Variants in SH3PXD2A observed in about 807,000 individuals in gnomAD.
SH3PXD2A encodes the protein SH3 and PX domain-containing protein 2A.
Under a neutral mutation model 115.2 loss-of-function variants are expected in SH3PXD2A, and 32 were observed. The observed-to-expected ratio is 0.28, with a 90% CI of 0.21 to 0.37. SH3PXD2A has a LOEUF of 0.37. SH3PXD2A is among the 10% of genes least tolerant of loss of function. SH3PXD2A has a pLI of 1.00. For missense variants in SH3PXD2A, 1,328 were observed against 1,498.7 expected (o/e 0.89, Z 1.88); for synonymous variants, 610 against 629.1 (o/e 0.97, Z 0.45).
At chr10:103,806,471 A>G (rs1426087693) in intron 1 of SH3PXD2A, among the ~76,000 whole-genome samples, 1 of 152,254 alleles carries the variant, frequency 6.6e-6, no homozygotes, top group African/African-American at 2.4e-5. Flanking sequence ...AACTTCAGAG[A>G]GAAACCACAG....
At chr10:103,820,890 G>A (rs1165566845) in intron 1 of SH3PXD2A, among the ~76,000 whole-genome samples, 2 of 152,206 alleles carry the variant, frequency 1.3e-5, no homozygotes, top group African/African-American at 4.8e-5. Flanking sequence ...GGGCCGGGGA[G>A]AAACACAGGG....
At chr10:103,729,239 T>A (rs1172458015) in intron 4 of SH3PXD2A, among the ~76,000 whole-genome samples, 1 of 152,218 alleles carries the variant, frequency 6.6e-6, no homozygotes. Flanking sequence ...GTCCAGAGCC[T>A]ATGCCCTGAT....
chr10:103,651,077 G>A (rs892449971), intron 8 of SH3PXD2A, among the ~76,000 whole-genome samples: 3 of 152,232 alleles, frequency 2.0e-5, no homozygotes, highest in Admixed American at 6.5e-5. Flanking sequence ...CGGAAGGAGA[G>A]AGGGTGGCAG....
At chr10:103,699,918 G>A (rs984879747) in intron 5 of SH3PXD2A, among the ~76,000 whole-genome samples, 7 of 152,198 alleles carry the variant, frequency 4.6e-5, no homozygotes, top group Non-Finnish European at 8.8e-5. Flanking sequence ...GAATTCCTGC[G>A]GAGAGAAGGG....
chr10:103,749,110 C>T (rs1043678274), intron 3 of SH3PXD2A, among the ~76,000 whole-genome samples: 2 of 152,048 alleles, frequency 1.3e-5, no homozygotes, highest in African/African-American at 2.4e-5. Flanking sequence ...TGGCTGGTTT[C>T]GAACTCCTGA....
intron 8 of SH3PXD2A, among the ~76,000 whole-genome samples, chr10:103,628,434 G>A (rs2036730358): frequency 2.0e-5 from 3 of 151,868 alleles, no homozygotes; most frequent in Admixed American, 6.6e-5. Context: ...CTGGACTCTT[G>A]AGGTCCAGGC....
intron 1 of SH3PXD2A, among the ~76,000 whole-genome samples, chr10:103,811,202 A>C (rs116569948): frequency 1.5e-3 from 221 of 152,298 alleles, no homozygotes; most frequent in African/African-American, 5.1e-3. Flanking sequence ...AACTCCCAGG[A>C]TTCACAATCC....
intron 1 of SH3PXD2A, among the ~76,000 whole-genome samples, chr10:103,835,529 T>C (rs1164104877): frequency 6.6e-6 from 1 of 152,204 alleles, no homozygotes; most frequent in Non-Finnish European, 1.5e-5. Context: ...AATCAGACCA[T>C]GTAAACAAAC....
intron 1 of SH3PXD2A, among the ~76,000 whole-genome samples, chr10:103,844,744 G>T (rs1335303696): frequency 6.6e-6 from 1 of 152,166 alleles, no homozygotes; most frequent in Non-Finnish European, 1.5e-5. Flanking sequence ...CAAACCTCAG[G>T]TTCCATATGA....
chr10:103,661,946 C>A, intron 7 of SH3PXD2A: 1 of 985,376 alleles, frequency 1.0e-6, no homozygotes. Context: ...CCGTTCCTGC[C>A]CCTCGGGCTC....
At chr10:103,770,740 G>C (rs1005156855) in intron 2 of SH3PXD2A, among the ~76,000 whole-genome samples, 3 of 152,134 alleles carry the variant, frequency 2.0e-5, no homozygotes, top group Non-Finnish European at 1.5e-5. Flanking sequence ...GACCAGCTCC[G>C]GGGCTCTGCT....
intron 2 of SH3PXD2A, among the ~76,000 whole-genome samples, chr10:103,797,056 A>T (rs1481395646): frequency 6.6e-6 from 1 of 151,644 alleles, no homozygotes; most frequent in Non-Finnish European, 1.5e-5. Flanking sequence ...TAGAGACGGG[A>T]TCTTGCCGCA....
At chr10:103,833,079 G>A (rs951818677) in intron 1 of SH3PXD2A, among the ~76,000 whole-genome samples, 2 of 152,144 alleles carry the variant, frequency 1.3e-5, no homozygotes, top group South Asian at 2.1e-4. Context: ...CTTTCTAACA[G>A]AGAATCACAA....
chr10:103,603,255 T>C lies in SH3PXD2A; in HGVS notation c.1963A>G (p.Lys655Glu). 1 of 1,614,126 alleles carries C rather than the reference T, an allele frequency of 6.2e-7. No individual in the cohort carries two copies. Among genetic ancestry groups the C allele is most frequent in the Non-Finnish European group, 8.5e-7 (1 of 1,180,022 alleles). ...PGSSSLSLTRKNSPKSGSPKS... is the reference protein window; with the variant it reads ...PGSSSLSLTRENSPKSGSPKS... Reference sequence around the variant, plus strand: ...GGGGAGCCTGATTTGGGGGAGTTTTTCCTGGTCAGGGACAGCGAGGAGCTG... The same window carrying C: ...GGGGAGCCTGATTTGGGGGAGTTTTCCCTGGTCAGGGACAGCGAGGAGCTG... Residue 655 changes from lysine (K) to glutamate (E), a missense_variant, in exon 15 of 15, where the codon AAA becomes GAA. Lys to Glu is a moderately conservative substitution (Grantham distance 56, BLOSUM62 1). Coordinates refer to ENST00000369774, the MANE Select transcript of SH3PXD2A (RefSeq NM_001394015.1).
chr10:103,748,597 G>A (rs1014568964), intron 3 of SH3PXD2A, among the ~76,000 whole-genome samples: 1 of 152,246 alleles, frequency 6.6e-6, no homozygotes, highest in African/African-American at 2.4e-5. Flanking sequence ...GGCACACGCA[G>A]GAGGGAGACA....
intron 2 of SH3PXD2A, among the ~76,000 whole-genome samples, chr10:103,797,722 G>C (rs1264133120): frequency 2.7e-5 from 4 of 150,548 alleles, no homozygotes; most frequent in African/African-American, 9.8e-5. Context: ...CTGGGAGGGG[G>C]TGGGGAGTGT....
At chr10:103,831,877 G>A (rs1221289695) in intron 1 of SH3PXD2A, among the ~76,000 whole-genome samples, 1 of 152,132 alleles carries the variant, frequency 6.6e-6, no homozygotes, top group African/African-American at 2.4e-5. Flanking sequence ...GCATTTAACT[G>A]TTCTGGGCAT....
rs760123155 is a variant in SH3PXD2A at position 103,602,115 on chromosome 10, G to A, written c.3103C>T (p.Arg1035Trp). 54 of 1,587,098 alleles carry A rather than the reference G, an allele frequency of 3.4e-5. 1 individual carries two copies. Among genetic ancestry groups the A allele is most frequent in the South Asian group, 1.8e-4 (16 of 86,978 alleles). ...AAEAKGRLAE[R>W]AASQGSDSPL... is the part of the protein sequence containing the mutation. ...GAGTCTGAACCCTGGCTGGCAGCCC[G>A]TTCGGCCAGGCGGCCCTTGGCCTCG... Residue 1035 changes from arginine to tryptophan, a missense_variant, in exon 15 of 15, where the codon CGG (arginine) becomes TGG (tryptophan). Around this residue, in one of 5 missense-constraint regions of SH3PXD2A, gnomAD observed 574 missense variants for 565.7 expected, o/e 1.01. Transcript: ENST00000369774.
intron 1 of SH3PXD2A, among the ~76,000 whole-genome samples, chr10:103,836,959 G>C (rs1205255572): frequency 6.6e-6 from 1 of 152,142 alleles, no homozygotes; most frequent in African/African-American, 2.4e-5. Context: ...TACTGATGCT[G>C]CTCCTCCCAG....
Sources: allele counts gnomAD v4.1 joint callset (sites outside exome capture counted in the v4.1 genomes callset), GRCh38; gene constraint gnomAD v4.1.1; regional missense constraint gnomAD v4.1.1; transcripts MANE v1.5; gene names NCBI Gene and HGNC (gene_info 2026-07-23, HGNC 2026-07-21).